The following ZNF680 variants were observed in gnomAD, a reference collection of about 807,000 sequenced individuals.
ZNF680 encodes hypothetical protein FLJ90430.
A neutral mutation model predicts 12.1 loss-of-function variants in ZNF680; 6 were observed. The observed-to-expected ratio is 0.49, with a 90% CI of 0.27 to 0.98. The LOEUF (loss-of-function observed/expected upper bound fraction) is 0.98, where lower values mean the gene tolerates loss of function less well. Ranked by LOEUF, ZNF680 falls within the 50% of genes least tolerant of loss-of-function variation. The pLI, the probability that ZNF680 is intolerant of heterozygous loss-of-function variation, is 0.12. For missense variants in ZNF680, 561 were observed against 616.3 expected (o/e 0.91, Z 0.95); for synonymous variants, 170 against 199.3 (o/e 0.85, Z 1.24).
chr7:64,558,310 G>A (rs1787533964), intron 1 of ZNF680, among the ~76,000 whole-genome samples: 1 of 152,186 alleles, frequency 6.6e-6, no homozygotes, highest in Non-Finnish European at 1.5e-5. Context: ...CCTGATGGTG[G>A]TGCCTAGTCC....
chr7:64,502,971 C>T, the ZNF680 span, among the ~76,000 whole-genome samples: 5 of 152,072 alleles, frequency 3.3e-5, no homozygotes, highest in African/African-American at 1.2e-4. Flanking sequence ...GTTGAATCTG[C>T]TCAACCTGTT....
intron 1 of ZNF680, among the ~76,000 whole-genome samples, chr7:64,554,793 A>C (rs373857189): frequency 6.6e-6 from 1 of 151,980 alleles, no homozygotes; most frequent in Non-Finnish European, 1.5e-5. Context: ...AAGGCGGCAT[A>C]CTCGTTAAGA....
downstream of ZNF680, among the ~76,000 whole-genome samples, chr7:64,518,657 G>A (rs995828737): frequency 6.6e-6 from 1 of 151,934 alleles, no homozygotes; most frequent in African/African-American, 2.4e-5. Context: ...ATAGACCAAT[G>A]GAACAGAATA....
the ZNF680 span, among the ~76,000 whole-genome samples, chr7:64,512,841 T>C: frequency 6.6e-6 from 1 of 152,154 alleles, no homozygotes; most frequent in Non-Finnish European, 1.5e-5. Flanking sequence ...AAATAAGTGC[T>C]TAAATCAATT....
Position 64,522,161 on chromosome 7 carries a change from G to A in ZNF680, c.593C>T (p.Thr198Ile), listed in dbSNP as rs772526830. The change falls in exon 4 of 4, where the codon ACA becomes ATA. Residue 198 changes from threonine to isoleucine, a missense_variant. Coordinates refer to ENST00000309683, the MANE Select transcript of ZNF680 (RefSeq NM_178558.5). ...GKSFCMLSHLTQHIRIHTREN... is the reference protein window; with the variant it reads ...GKSFCMLSHLIQHIRIHTREN... ...TCTAGTGTGAATTCTTATATGTTGT[G>A]TTAGATGTGAAAGCATGCAAAATGA... 25 of 1,612,796 alleles carry A rather than the reference G, an allele frequency of 1.6e-5. No individual in the cohort carries two copies. The highest frequency in any genetic ancestry group is 2.0e-5 in the Non-Finnish European group (24 of 1,179,370).
intron 3 of ZNF680, among the ~76,000 whole-genome samples, chr7:64,530,228 G>A (rs2116415347): frequency 6.6e-6 from 1 of 152,006 alleles, no homozygotes; most frequent in East Asian, 1.9e-4. Flanking sequence ...AGGACCTATA[G>A]AACAAAAATA....
chr7:64,506,633 C>T, the ZNF680 span, among the ~76,000 whole-genome samples: 1 of 152,128 alleles, frequency 6.6e-6, no homozygotes, highest in East Asian at 1.9e-4. Context: ...CCATTTTATA[C>T]ATTCATGCAC....
intron 3 of ZNF680, among the ~76,000 whole-genome samples, chr7:64,530,591 G>A (rs1785807767): frequency 6.6e-6 from 1 of 151,992 alleles, no homozygotes; most frequent in African/African-American, 2.4e-5. Flanking sequence ...ACAATAAAAG[G>A]CCTTGGCTGG....
At chr7:64,546,015 A>G (rs917374660) in intron 1 of ZNF680, among the ~76,000 whole-genome samples, 4 of 152,250 alleles carry the variant, frequency 2.6e-5, no homozygotes, top group African/African-American at 4.8e-5. Context: ...GAGAATGTAA[A>G]GAAGGCTCTG....
the ZNF680 span, among the ~76,000 whole-genome samples, chr7:64,513,650 AT>A: frequency 0.23 from 34,432 of 148,260 alleles, 4,056 homozygotes; most frequent in South Asian, 0.29. Flanking sequence ...TTAATTAAAA[AT>A]TTTTTTTTTT....
At chr7:64,511,483 C>T in the ZNF680 span, among the ~76,000 whole-genome samples, 6 of 151,886 alleles carry the variant, frequency 4.0e-5, no homozygotes, top group Non-Finnish European at 8.8e-5. Context: ...CTGTTTACAC[C>T]TCACACAGTA....
chr7:64,545,263 C>CAAAAAA (rs532422147), intron 1 of ZNF680, among the ~76,000 whole-genome samples: 8 of 89,734 alleles, frequency 8.9e-5, no homozygotes, highest in African/African-American at 1.7e-4. Context: ...GACTCCATCT[C>CAAAAAA]AAAAAAAAAA....
At chr7:64,540,619 A>C (rs902679635) in intron 3 of ZNF680, among the ~76,000 whole-genome samples, 2 of 152,136 alleles carry the variant, frequency 1.3e-5, no homozygotes, top group Non-Finnish European at 2.9e-5. Flanking sequence ...TCTTTTAATT[A>C]AACCCCATGT....
chr7:64,514,594 CAT>C, the ZNF680 span, among the ~76,000 whole-genome samples: 11 of 152,102 alleles, frequency 7.2e-5, no homozygotes, highest in African/African-American at 2.4e-4. Flanking sequence ...AATAAAAACT[CAT>C]ATTTATAAAT....
intron 3 of ZNF680, among the ~76,000 whole-genome samples, chr7:64,534,527 A>G (rs558237650): frequency 9.3e-4 from 142 of 152,302 alleles, no homozygotes; most frequent in African/African-American, 2.8e-3. Context: ...GCTGGCACAG[A>G]TGCGGTGATC....
chr7:64,545,197 G>A (rs1316742560), intron 1 of ZNF680, among the ~76,000 whole-genome samples: 2 of 149,496 alleles, frequency 1.3e-5, no homozygotes, highest in African/African-American at 2.5e-5. Context: ...CTGGGAGGTG[G>A]AGGTTGCAGT....
intron 3 of ZNF680, among the ~76,000 whole-genome samples, chr7:64,533,697 C>T (rs1442424317): frequency 6.6e-6 from 1 of 151,966 alleles, no homozygotes; most frequent in Non-Finnish European, 1.5e-5. Flanking sequence ...GAAAAAAGAG[C>T]CCACATAGCC....
At chr7:64,508,120 A>AATTTATATATATATATATATATAT in the ZNF680 span, among the ~76,000 whole-genome samples, 3 of 69,224 alleles carry the variant, frequency 4.3e-5, no homozygotes, top group African/African-American at 3.1e-4. Flanking sequence ...TATATTTTAA[A>AATTTATATATATATATATATATAT]ATGTATATAT....
chr7:64,537,860 G>A (rs1480042981), intron 3 of ZNF680, among the ~76,000 whole-genome samples: 1 of 151,998 alleles, frequency 6.6e-6, no homozygotes, highest in Non-Finnish European at 1.5e-5. Flanking sequence ...AACCCGGGAG[G>A]CAGAGCTTGC....
Sources: gnomAD v4.1 joint callset for allele counts (sites outside exome capture counted in the v4.1 genomes callset) on GRCh38, gnomAD v4.1.1 for gene constraint, MANE v1.5 for transcripts, NCBI Gene and HGNC (gene_info 2026-07-23, HGNC 2026-07-21) for gene names.